GFRA2: variants seen among roughly 807,000 people sequenced by gnomAD.
The protein encoded by GFRA2 is GDNF family receptor alpha 2, also known as GDNF family receptor alpha-2.
Under a neutral mutation model 48.3 loss-of-function variants are expected in GFRA2, and 17 were observed. The observed-to-expected ratio is 0.35, with a 90% CI of 0.24 to 0.53. The LOEUF (loss-of-function observed/expected upper bound fraction) is 0.53. Among genes scored for constraint, GFRA2 ranks in the 20% least tolerant of loss-of-function variants. The pLI is 0.93. For synonymous variants in GFRA2, 305 were observed against 257.2 expected, an observed-to-expected ratio of 1.19 and a Z score of -1.78; for missense variants, 660 against 637.3, an observed-to-expected ratio of 1.04 and a Z score of -0.38.
At chr8:21,757,105 C>T (rs2117622851) in intron 3 of GFRA2, among the ~76,000 whole-genome samples, 1 of 152,320 alleles carries the variant, frequency 6.6e-6, no homozygotes, top group East Asian at 1.9e-4. Flanking sequence ...CCTCCTACTC[C>T]CTGGGTGAGG....
chr8:21,781,232 G>C (rs902709511), intron 2 of GFRA2, among the ~76,000 whole-genome samples: 1 of 151,972 alleles, frequency 6.6e-6, no homozygotes, highest in Non-Finnish European at 1.5e-5. Flanking sequence ...CTCTCCACTG[G>C]AACCACAGAA....
chr8:21,797,278 C>G (rs201527505), intron 2 of GFRA2, among the ~76,000 whole-genome samples: 9,096 of 132,840 alleles, frequency 0.068, 859 homozygotes, highest in African/African-American at 0.22. Context: ...TTTTTTTTTC[C>G]TTTCTTTGCT....
In GFRA2 at chr8:21,750,805, C is replaced by T. The variant is rs754668539; in HGVS notation, c.577G>A (p.Glu193Lys). The T allele has an allele frequency of 1.5e-5, 25 of 1,613,856 alleles. No homozygotes were observed. Among genetic ancestry groups the T allele is most frequent in the African/African-American group, 2.7e-5 (2 of 74,938 alleles). ...SICNREISPTERCNRRKCHKA... is the reference protein window; with the variant it reads ...SICNREISPTKRCNRRKCHKA... Reference sequence around the variant, plus strand: ...TGGCACTTGCGGCGGTTGCAGCGCTCGGTGGGCGAGATCTCGCGGTTGCAG... The same window carrying T: ...TGGCACTTGCGGCGGTTGCAGCGCTTGGTGGGCGAGATCTCGCGGTTGCAG... Residue 193 changes from glutamate (E) to lysine (K), a missense_variant, in exon 4 of 9, where the codon GAG becomes AAG. Transcript: ENST00000524240. The surrounding 1 kb of genome is among the most constrained non-coding windows in gnomAD (Gnocchi z 5.7).
chr8:21,723,737 C>T lies in GFRA2; in HGVS notation c.795-17696G>A, dbSNP rs141515877. ...AGCAAGAGGGAGGTCGCCAAGACCA[C>T]TCACTCGTCCTCTTCTCAACAGGCT... is the stretch of plus-strand genomic sequence containing the variant. On this transcript the variant is annotated intron_variant, in intron 4 of 8. Coordinates refer to ENST00000524240, the MANE Select transcript of GFRA2 (RefSeq NM_001495.5). Among the ~76,000 whole-genome samples the T allele has an allele frequency of 2.5e-3, 380 of 152,326 alleles. 6 individuals are homozygous for T. Among genetic ancestry groups the T allele is most frequent in the East Asian group, 9.7e-4 (5 of 5,174 alleles).
chr8:21,769,269 G>A, intron 3 of GFRA2: 3 of 456,678 alleles, frequency 6.6e-6, no homozygotes, highest in Non-Finnish European at 5.1e-6. Context: ...CCCCTGCCCT[G>A]CCCCTTCCAT....
At chr8:21,701,971 G>C (rs1802502390) in intron 7 of GFRA2, among the ~76,000 whole-genome samples, 1 of 152,290 alleles carries the variant, frequency 6.6e-6, no homozygotes, top group Admixed American at 6.5e-5. Flanking sequence ...CCTCTCCCCA[G>C]ATGGGCCGGT....
chr8:21,731,663 A>G (rs918714126), intron 4 of GFRA2, among the ~76,000 whole-genome samples: 2 of 152,178 alleles, frequency 1.3e-5, no homozygotes, highest in African/African-American at 2.4e-5. Flanking sequence ...CTCCTCGTGC[A>G]TACATAATTC....
intron 1 of GFRA2, chr8:21,783,124 C>G: frequency 1.5e-6 from 1 of 686,660 alleles, no homozygotes; most frequent in Non-Finnish European, 2.7e-6. Flanking sequence ...TCCATTCCTC[C>G]TCAGCAGCGG....
chr8:21,712,684 G>A lies in GFRA2; in HGVS notation c.795-6643C>T, dbSNP rs538532357. ...TGGGAGGTGGAGGTTGTAGTGAGCC[G>A]AGATCACGCCACTGCACTCCAGCCT... On this transcript the variant is annotated intron_variant, in intron 4 of 8. Transcript: ENST00000524240. Among the ~76,000 whole-genome samples the A allele has an allele frequency of 5.9e-3, 901 of 152,268 alleles. 5 individuals carry two copies. The highest frequency in any genetic ancestry group is 0.021 in the African/African-American group (863 of 41,522).
At chr8:21,809,563 G>A (rs1245529831) in intron 1 of GFRA2, among the ~76,000 whole-genome samples, 5 of 152,048 alleles carry the variant, frequency 3.3e-5, no homozygotes, top group East Asian at 1.9e-4. Flanking sequence ...TCCTGACCTC[G>A]TGATCCGCCC....
intron 1 of GFRA2, among the ~76,000 whole-genome samples, chr8:21,808,696 C>T (rs1437854374): frequency 6.6e-6 from 1 of 152,256 alleles, no homozygotes; most frequent in African/African-American, 2.4e-5. Flanking sequence ...CTGACCACCA[C>T]CCAGCCACCC....
At chr8:21,775,152 A>G in intron 2 of GFRA2, 97 bp from the exon 3 acceptor site, 1 of 703,456 alleles carries the variant, frequency 1.4e-6, no homozygotes, top group Non-Finnish European at 2.6e-6. Flanking sequence ...TACCAGGGGA[A>G]AGCTCGTGCC....
At position 21,706,031 on chromosome 8, in the gene GFRA2, C is replaced by T. The variant is rs1231082891; in HGVS notation, c.805G>A (p.Ala269Thr). The change falls in exon 5 of 9, where the codon GCC (alanine) becomes ACC (threonine). Residue 269 changes from alanine to threonine, a missense_variant. By Grantham distance (58) the Ala-to-Thr change is moderately conservative (BLOSUM62 0). Transcript: ENST00000524240. ...RTDHLCRSRL[A>T]DFHANCRASY... ...GCTCGACAATTGGCATGGAAGTCGG[C>T]CAGCCGGGACCTGGTGGTGGGTAGA... 3.8e-6 allele frequency: 6 copies of T among 1,565,792 alleles called. No individual in the cohort carries two copies. Among genetic ancestry groups the T allele is most frequent in the Non-Finnish European group, 5.2e-6 (6 of 1,154,406 alleles).
At position 21,761,256 on chromosome 8, in the gene GFRA2, A is replaced by G. The variant is rs62494076; in HGVS notation, c.440-10314T>C. 4.1e-3 allele frequency among the ~76,000 whole-genome samples: 619 copies of G among 152,334 alleles called. 5 individuals carry two copies. The highest frequency in any genetic ancestry group is 0.02 in the Middle Eastern group (6 of 294). On this transcript the variant is annotated intron_variant, in intron 3 of 8. Transcript: ENST00000524240. Reference sequence around the variant, plus strand: ...GATCCATTTATTTTTTGCAACAAACACTTACTGACAACCCACTGTGTGTAA... The same window carrying G: ...GATCCATTTATTTTTTGCAACAAACGCTTACTGACAACCCACTGTGTGTAA...
chr8:21,731,489 T>TA (rs1804191400), intron 4 of GFRA2, among the ~76,000 whole-genome samples: 1 of 152,132 alleles, frequency 6.6e-6, no homozygotes, highest in Admixed American at 6.5e-5. Flanking sequence ...ATTTTTTTTT[T>TA]AATCTAAAAG....
chr8:21,781,113 T>A (rs75183791), intron 2 of GFRA2, among the ~76,000 whole-genome samples: 14,319 of 152,028 alleles, frequency 0.094, 999 homozygotes, highest in East Asian at 0.2. Flanking sequence ...AATACACAAA[T>A]AAATAGCTCT....
At chr8:21,716,405 A>G (rs1465087063) in intron 4 of GFRA2, among the ~76,000 whole-genome samples, 3 of 152,152 alleles carry the variant, frequency 2.0e-5, no homozygotes, top group Non-Finnish European at 2.9e-5. Flanking sequence ...AATCAGAAGA[A>G]GCACACACTA....
intron 3 of GFRA2, among the ~76,000 whole-genome samples, chr8:21,763,318 T>G (rs955070143): frequency 6.6e-6 from 1 of 152,144 alleles, no homozygotes; most frequent in African/African-American, 2.4e-5. Flanking sequence ...GCTGGGGGCC[T>G]CCTTTCTCCT....
At chr8:21,799,057 A>ATATAACCT (rs1392936159) in intron 2 of GFRA2, among the ~76,000 whole-genome samples, 1 of 152,148 alleles carries the variant, frequency 6.6e-6, no homozygotes, top group African/African-American at 2.4e-5. Flanking sequence ...CTCTAACCCA[A>ATATAACCT]TATAACCTTA....
Sources: allele counts gnomAD v4.1 joint callset (sites outside exome capture counted in the v4.1 genomes callset), GRCh38; gene constraint gnomAD v4.1.1; non-coding constraint Gnocchi (gnomAD v3.1); transcripts MANE v1.5; gene names NCBI Gene and HGNC (gene_info 2026-07-23, HGNC 2026-07-21).